PLEKHA1: variants seen among roughly 807,000 people sequenced by gnomAD.
PLEKHA1 encodes the protein pleckstrin homology domain containing A1.
A neutral mutation model predicts 52.0 loss-of-function variants in PLEKHA1; 34 were observed. That is an observed-to-expected ratio of 0.65 (90% CI 0.50 to 0.87). The LOEUF is 0.87. Among genes scored for constraint, PLEKHA1 ranks in the 40% least tolerant of loss-of-function variants. The probability of loss-of-function intolerance (pLI) is 0.00; values close to 1 mark genes in which losing one functional copy is unlikely to be tolerated. For missense variants in PLEKHA1, 497 were observed against 504.2 expected (o/e 0.99, Z 0.14); for synonymous variants, 163 against 170.7 (o/e 0.95, Z 0.35).
At chr10:122,412,764 TAGTG>T in intron 5 of PLEKHA1, 152 bp from the exon 6 acceptor site, 1 of 682,086 alleles carries the variant, frequency 1.5e-6, no homozygotes. Flanking sequence ...ACAGAAAAAT[TAGTG>T]TGATAACTTA....
chr10:122,428,538 C>G, intron 11 of PLEKHA1: 1 of 940,128 alleles, frequency 1.1e-6, no homozygotes, highest in Non-Finnish European at 1.4e-6. Flanking sequence ...AAAAATAAAA[C>G]ATACAACTTT....
downstream of PLEKHA1, chr10:122,436,838 C>G (rs2097439613): frequency 1.3e-5 from 2 of 152,024 alleles, no homozygotes; most frequent in East Asian, 3.9e-4. Flanking sequence ...TTCAGGGGTC[C>G]TAAGTGATGG....
chr10:122,385,501 A>G (rs908304629), intron 1 of PLEKHA1, among the ~76,000 whole-genome samples: 2 of 151,874 alleles, frequency 1.3e-5, no homozygotes, highest in African/African-American at 4.8e-5. Flanking sequence ...TTTTTAGTAG[A>G]GACGGGGCTT....
chr10:122,382,660 C>T (rs1257298340), intron 1 of PLEKHA1, among the ~76,000 whole-genome samples: 1 of 152,162 alleles, frequency 6.6e-6, no homozygotes, highest in Non-Finnish European at 1.5e-5. Flanking sequence ...GTCATATCTT[C>T]AGAAATGATG....
Position 122,429,765 on chromosome 10 carries a change from C to T in PLEKHA1, c.1042C>T (p.Leu348Phe), listed in dbSNP as rs1357849671. Reference protein sequence around the residue: ...TMEKRGFYESLAKVKPGNFKV... With the variant: ...TMEKRGFYESFAKVKPGNFKV... ...GGAGAAGCGAGGATTTTACGAGTCT[C>T]TTGCCAAGGTCAAGCCAGGGAACTT... The change falls in exon 12 of 12, where the codon CTT becomes TTT. Residue 348 changes from leucine (L) to phenylalanine (F), a missense_variant. Transcript: ENST00000368990. 1 of 1,614,212 alleles carries T rather than the reference C, an allele frequency of 6.2e-7. No homozygotes were observed. Among genetic ancestry groups the T allele is most frequent in the African/African-American group, 1.3e-5 (1 of 75,046 alleles).
intron 8 of PLEKHA1, 103 bp downstream of exon 8, chr10:122,418,071 G>T: frequency 1.2e-6 from 1 of 856,256 alleles, no homozygotes; most frequent in African/African-American, 1.7e-5. Flanking sequence ...TTCAGAATAA[G>T]TCTAGTTTTT....
chr10:122,375,306 A>T (rs2096513688), intron 1 of PLEKHA1, among the ~76,000 whole-genome samples: 1 of 152,044 alleles, frequency 6.6e-6, no homozygotes, highest in Non-Finnish European at 1.5e-5. Context: ...GTCCCCGGGC[A>T]TCCTTTCCTG....
intron 6 of PLEKHA1, among the ~76,000 whole-genome samples, chr10:122,415,463 G>A (rs1015783142): frequency 6.6e-6 from 1 of 152,212 alleles, no homozygotes; most frequent in East Asian, 1.9e-4. Context: ...TCCGAATAAA[G>A]TTTGTGGGTT....
rs1403326694 is a variant in PLEKHA1, at chr10:122,429,879, G to GA, written c.1161dup (p.Asp388ArgfsTer3). 4.3e-6 allele frequency: 7 copies of GA among 1,613,992 alleles called. No homozygotes were observed. The African/African-American group carries it at 9.3e-5, about 22-fold the overall frequency. On this transcript the variant is annotated frameshift_variant, in exon 12 of 12. Coordinates refer to ENST00000368990, the MANE Select transcript of PLEKHA1 (RefSeq NM_001001974.4). LOFTEE classifies it high-confidence loss of function. ...ACCTCAAAGTAAAAATGGCCCTCAG[G>GA]AAAAAGATTGTGACCTAGTAGACTT... is the stretch of plus-strand genomic sequence containing the variant.
intron 4 of PLEKHA1, among the ~76,000 whole-genome samples, chr10:122,402,834 A>G (rs1323200707): frequency 6.6e-6 from 1 of 152,188 alleles, no homozygotes; most frequent in Admixed American, 6.5e-5. Flanking sequence ...CGAAACTGAA[A>G]ATAGGAAGAT....
At position 122,389,761 on chromosome 10, in the gene PLEKHA1, A is replaced by G. The variant is rs116920524; in HGVS notation, c.-20-3420A>G. ...GCTGTAAACAGGTGTGCTGTCATCC[A>G]GATTTTGTTATTCCATTTTTAGAGT... On this transcript the variant is annotated intron_variant, in intron 1 of 11. Coordinates refer to ENST00000368990, the MANE Select transcript of PLEKHA1 (RefSeq NM_001001974.4). Among the ~76,000 whole-genome samples the G allele has an allele frequency of 5.6e-4, 86 of 152,318 alleles. 1 individual carries two copies. The East Asian group carries it at 0.016, about 28-fold the overall frequency.
intron 5 of PLEKHA1, 174 bp from the exon 6 acceptor site, chr10:122,412,743 ATAT>A (rs2097124853): frequency 1.6e-6 from 1 of 637,730 alleles, no homozygotes; most frequent in Non-Finnish European, 2.6e-6. Flanking sequence ...ATATTATAAA[ATAT>A]TATTCTAACA....
chr10:122,389,958 C>G (rs552099436), intron 1 of PLEKHA1, among the ~76,000 whole-genome samples: 5 of 152,164 alleles, frequency 3.3e-5, no homozygotes, highest in Non-Finnish European at 5.9e-5. Context: ...TGTGAAAGTC[C>G]TAGATGGCAT....
At chr10:122,390,079 G>C (rs1046143847) in intron 1 of PLEKHA1, among the ~76,000 whole-genome samples, 1 of 152,170 alleles carries the variant, frequency 6.6e-6, no homozygotes, top group Admixed American at 6.5e-5. Context: ...ATCAGCACTT[G>C]CTGCTTCACC....
At chr10:122,380,709 A>G (rs2096602990) in intron 1 of PLEKHA1, among the ~76,000 whole-genome samples, 1 of 152,092 alleles carries the variant, frequency 6.6e-6, no homozygotes, top group Non-Finnish European at 1.5e-5. Context: ...GAACATTAGA[A>G]TGATTGGGGA....
intron 1 of PLEKHA1, among the ~76,000 whole-genome samples, chr10:122,381,543 TA>T (rs2096615011): frequency 6.6e-6 from 1 of 152,302 alleles, no homozygotes; most frequent in South Asian, 2.1e-4. Flanking sequence ...ATGTAAGAGG[TA>T]ACTCCTCCCT....
chr10:122,414,667 A>G (rs2097149471), intron 6 of PLEKHA1, among the ~76,000 whole-genome samples: 2 of 152,176 alleles, frequency 1.3e-5, no homozygotes, highest in African/African-American at 4.8e-5. Context: ...TAAAAGATAA[A>G]CAGATGGTAA....
the PLEKHA1 span, chr10:122,438,203 G>A: frequency 6.6e-6 from 1 of 152,308 alleles, no homozygotes; most frequent in Non-Finnish European, 1.5e-5. Flanking sequence ...GCCACAGTGA[G>A]CTGTGATTGT....
downstream of PLEKHA1, chr10:122,432,416 G>A (rs1276206891): frequency 6.6e-6 from 1 of 152,112 alleles, no homozygotes; most frequent in African/African-American, 2.4e-5. Context: ...TTAGGGGTGT[G>A]TTTGGTTAAT....
Sources: allele counts gnomAD v4.1 joint callset (sites outside exome capture counted in the v4.1 genomes callset), GRCh38; gene constraint gnomAD v4.1.1; transcripts MANE v1.5; gene names NCBI Gene and HGNC (gene_info 2026-07-23, HGNC 2026-07-21).